PPP2R5C: variants seen among roughly 807,000 people sequenced by gnomAD.
PPP2R5C encodes serine/threonine-protein phosphatase 2A 56 kDa regulatory subunit gamma isoform.
A neutral mutation model predicts 68.9 loss-of-function variants in PPP2R5C; 7 were observed. That is an observed-to-expected ratio of 0.10 (90% CI 0.06 to 0.19). The LOEUF (loss-of-function observed/expected upper bound fraction) is 0.19. Among genes scored for constraint, PPP2R5C ranks in the 10% least tolerant of loss-of-function variants. The pLI, the probability that PPP2R5C is intolerant of heterozygous loss-of-function variation, is 1.00. For missense variants in PPP2R5C, 348 were observed against 641.3 expected (o/e 0.54, Z 4.94); for synonymous variants, 210 against 222.2 (o/e 0.95, Z 0.49).
chr14:101,807,849 C>T (rs756389393), upstream of PPP2R5C, among the ~76,000 whole-genome samples: 3 of 151,184 alleles, frequency 2.0e-5, no homozygotes, highest in African/African-American at 2.4e-5. Flanking sequence ...ACTCCTATTC[C>T]GTATATTATA....
At chr14:101,840,899 A>T (rs2041430713) in intron 1 of PPP2R5C, among the ~76,000 whole-genome samples, 1 of 152,216 alleles carries the variant, frequency 6.6e-6, no homozygotes, top group Non-Finnish European at 1.5e-5. Flanking sequence ...CCTGGAGAGG[A>T]TGAAAATGTT....
intron 2 of PPP2R5C, among the ~76,000 whole-genome samples, chr14:101,769,256 G>C (rs1000477482): frequency 6.6e-6 from 1 of 152,190 alleles, no homozygotes; most frequent in Non-Finnish European, 1.5e-5. Flanking sequence ...CCAGCGGCTG[G>C]CTGTATGCAG....
At chr14:101,887,245 G>T (rs1342724157) in intron 5 of PPP2R5C, among the ~76,000 whole-genome samples, 1 of 152,228 alleles carries the variant, frequency 6.6e-6, no homozygotes, top group Non-Finnish European at 1.5e-5. Flanking sequence ...GGCTGGGCGG[G>T]CAGGGCAGTG....
At chr14:101,881,862 A>C (rs1237723511) in intron 2 of PPP2R5C, among the ~76,000 whole-genome samples, 1 of 152,234 alleles carries the variant, frequency 6.6e-6, no homozygotes, top group Non-Finnish European at 1.5e-5. Flanking sequence ...AGACCTCAGA[A>C]GTCATCACTG....
At chr14:101,857,005 A>G (rs2042459568) in intron 2 of PPP2R5C, 120 bp downstream of exon 4, 3 of 971,366 alleles carry the variant, frequency 3.1e-6, no homozygotes, top group Non-Finnish European at 4.6e-6. Context: ...CAGAATTTGT[A>G]GTTGTGCTTG....
chr14:101,804,533 G>A (rs1490280240), intron 3 of PPP2R5C, among the ~76,000 whole-genome samples: 1 of 152,114 alleles, frequency 6.6e-6, no homozygotes, highest in Non-Finnish European at 1.5e-5. Flanking sequence ...GTACTATTCA[G>A]CCATGAAAAA....
At chr14:101,912,092 A>G (rs1182697060) in intron 11 of PPP2R5C, among the ~76,000 whole-genome samples, 1 of 152,174 alleles carries the variant, frequency 6.6e-6, no homozygotes, top group Non-Finnish European at 1.5e-5. Context: ...CTTCTTGTCA[A>G]AATTATGTGG....
rs1009573248 is a variant in PPP2R5C at position 101,891,980 on chromosome 14, A to G, written c.690-1020A>G. ...TGTTTTTTGTTTTTGTTTTTGAGATAGAGTCTCGCTCTGTCACCGAGGCTG... is the reference window on the plus strand; with the variant it reads ...TGTTTTTTGTTTTTGTTTTTGAGATGGAGTCTCGCTCTGTCACCGAGGCTG... On this transcript the variant is annotated intron_variant, in intron 6 of 13. Coordinates refer to ENST00000334743, the Ensembl canonical transcript of PPP2R5C. This position sits in a 1 kb window ranked among gnomAD's most constrained non-coding sequence, Gnocchi z 4.9. Among the ~76,000 whole-genome samples, 15 of 152,146 alleles carry G rather than the reference A, an allele frequency of 9.9e-5. No individual in the cohort carries two copies. Among genetic ancestry groups the G allele is most frequent in the Admixed American group, 9.8e-4 (15 of 15,264 alleles).
At chr14:101,767,787 T>A (rs1051323197) in intron 2 of PPP2R5C, among the ~76,000 whole-genome samples, 1 of 152,166 alleles carries the variant, frequency 6.6e-6, no homozygotes, top group Non-Finnish European at 1.5e-5. Flanking sequence ...GCGGGGAGGA[T>A]CCATCCCTGG....
chr14:101,795,066 A>G (rs1378416692), intron 3 of PPP2R5C, among the ~76,000 whole-genome samples: 1 of 152,264 alleles, frequency 6.6e-6, no homozygotes, highest in Non-Finnish European at 1.5e-5. Context: ...AGTGGGAACG[A>G]GAGGCATGAT....
chr14:101,826,418 G>T (rs950467809), intron 1 of PPP2R5C, among the ~76,000 whole-genome samples: 1 of 152,100 alleles, frequency 6.6e-6, no homozygotes, highest in African/African-American at 2.4e-5. Flanking sequence ...TCATTGAATG[G>T]ATTTGGCACA....
chr14:101,798,583 A>C (rs1353330489), intron 3 of PPP2R5C, among the ~76,000 whole-genome samples: 1 of 152,216 alleles, frequency 6.6e-6, no homozygotes, highest in African/African-American at 2.4e-5. Flanking sequence ...AAATAGGGAG[A>C]CCTTGTCTCC....
rs1490529678 is a variant in PPP2R5C, at chr14:101,825,211, C to CAT, written c.94+15175_94+15176insAT. 9.1e-5 allele frequency among the ~76,000 whole-genome samples: 13 copies of CAT among 143,110 alleles called. No individual in the cohort carries two copies. The highest frequency in any genetic ancestry group is 3.4e-4 in the African/African-American group (13 of 38,554). The allele number at this position is 143,110 out of a possible 152,430, so 93.9% of individuals were successfully genotyped here. ...AGGGATAGGATAAGAGGGTTTTCAGCGTGTGTGTGTGTGTGTGTGTGTGTG... is the reference window on the plus strand; with the variant it reads ...AGGGATAGGATAAGAGGGTTTTCAGCATGTGTGTGTGTGTGTGTGTGTGTGTG... On this transcript the variant is annotated intron_variant, in intron 1 of 13. Transcript: ENST00000334743. This position sits in a 1 kb window ranked among gnomAD's most constrained non-coding sequence, Gnocchi z 4.0.
chr14:101,856,122 C>G (rs2042411340), intron 1 of PPP2R5C, among the ~76,000 whole-genome samples: 3 of 152,200 alleles, frequency 2.0e-5, no homozygotes, highest in African/African-American at 7.2e-5. Context: ...TCAGTTTGGA[C>G]TGTTACATCT....
chr14:101,834,501 A>G, intron 1 of PPP2R5C, among the ~76,000 whole-genome samples: 1 of 152,254 alleles, frequency 6.6e-6, no homozygotes, highest in East Asian at 1.9e-4. Context: ...TCTTGTGATC[A>G]GGCAGCTGTT....
chr14:101,821,004 G>A (rs2040016917), intron 1 of PPP2R5C: 1 of 151,604 alleles, frequency 6.6e-6, no homozygotes. Context: ...CGTGGACTTG[G>A]AAGTTTTTCT....
chr14:101,912,265 T>C (rs1298464618), intron 11 of PPP2R5C, 136 bp from the exon 14 acceptor site: 1 of 587,824 alleles, frequency 1.7e-6, no homozygotes, highest in Admixed American at 3.7e-5. Flanking sequence ...GCTCAGCACG[T>C]AAGTGTGGGG....
At chr14:101,764,836 A>G (rs2036768861) in intron 2 of PPP2R5C, among the ~76,000 whole-genome samples, 1 of 120,080 alleles carries the variant, frequency 8.3e-6, no homozygotes, top group Non-Finnish European at 1.7e-5. Context: ...TTGATCTTTC[A>G]TTAAAACTGC....
intron 6 of PPP2R5C, among the ~76,000 whole-genome samples, chr14:101,892,723 C>G (rs539602666): frequency 1.1e-4 from 17 of 152,114 alleles, no homozygotes; most frequent in African/African-American, 3.6e-4. Flanking sequence ...TTCCACAGAC[C>G]CCTATATAGG....
Sources: gnomAD v4.1 joint callset for allele counts (sites outside exome capture counted in the v4.1 genomes callset) on GRCh38, gnomAD v4.1.1 for gene constraint, Gnocchi (gnomAD v3.1) non-coding constraint, MANE v1.5 for transcripts, NCBI Gene and HGNC (gene_info 2026-07-23, HGNC 2026-07-21) for gene names.